Variants in S100A7 observed in about 807,000 individuals in gnomAD.
S100A7 encodes the protein protein S100-A7.
S100A7 carries 2 observed loss-of-function variants against 3.8 expected under a neutral mutation model. That is an observed-to-expected ratio of 0.53 (90% CI 0.22 to 1.67). The LOEUF is 1.67. Among genes scored for constraint, S100A7 ranks in the 40% most tolerant of loss-of-function variants. S100A7 has a pLI of 0.20. For synonymous variants in S100A7, 55 were observed against 45.9 expected (o/e 1.20, Z -0.80); for missense variants, 130 against 126.3 (o/e 1.03, Z -0.14).
At chr1:153,459,187 A>G in intron 1 of S100A7, among the ~76,000 whole-genome samples, 157 bp from the exon 2 acceptor site, 1 of 152,222 alleles carries the variant, frequency 6.6e-6, no homozygotes, top group East Asian at 1.9e-4. Context: ...AAGTTGCTCA[A>G]AAATGAGAGG....
Position 153,457,962 on chromosome 1 carries a change from C to T in S100A7, c.150G>A (p.Lys50=). The T allele has an allele frequency of 1.2e-6, 2 of 1,613,892 alleles. No homozygotes were observed. Among genetic ancestry groups the T allele is most frequent in the East Asian group, 2.2e-5 (1 of 44,880 alleles). ...AGACATCGGCGAGGTAATTTGTGCCCTTTTTGTCCTGTGAAGAGAAAAACA... is the reference window on the plus strand; with the variant it reads ...AGACATCGGCGAGGTAATTTGTGCCTTTTTTGTCCTGTGAAGAGAAAAACA... ...FPNFLSACDK[K]GTNYLADVFE... The change falls in exon 3 of 3, where the codon AAG becomes AAA. Residue 50 remains lysine (K), a synonymous_variant. Coordinates refer to ENST00000368723, the MANE Select transcript of S100A7 (RefSeq NM_002963.4).
chr1:153,459,616 C>T (rs373079856), intron 1 of S100A7, among the ~76,000 whole-genome samples: 1 of 152,086 alleles, frequency 6.6e-6, no homozygotes. Context: ...AGTCCTGTCC[C>T]GAGCACAGGG....
chr1:153,457,790 C>T lies in S100A7; in HGVS notation c.*16G>A. On this transcript the variant is annotated 3_prime_UTR_variant, in exon 3 of 3. Transcript: ENST00000368723. ...ATTGTTCCTGGGGTCTCTGGAGGCC[C>T]ATTGGTGGGGCTGGGTCACTGGCTG... The T allele has an allele frequency of 9.3e-6, 15 of 1,613,200 alleles. No homozygotes were observed. Among genetic ancestry groups the T allele is most frequent in the African/African-American group, 1.3e-5 (1 of 74,974 alleles).
rs754265659 is a variant in S100A7 at position 153,457,771 on chromosome 1, C to T, written c.*35G>A. 1.9e-6 allele frequency: 3 copies of T among 1,596,734 alleles called. No homozygotes were observed. The East Asian group carries it at 6.9e-5, about 37-fold the overall frequency. ...TGGTGGGAGAAGACATTTTATTGTT[C>T]CTGGGGTCTCTGGAGGCCCATTGGT... On this transcript the variant is annotated 3_prime_UTR_variant, in exon 3 of 3. Coordinates refer to ENST00000368723, the MANE Select transcript of S100A7 (RefSeq NM_002963.4).
intron 1 of S100A7, 89 bp from the exon 2 acceptor site, chr1:153,459,119 T>G: frequency 4.1e-6 from 6 of 1,461,904 alleles, no homozygotes; most frequent in Non-Finnish European, 5.5e-6. Context: ...GAGGACAGAG[T>G]AAAAACACGG....
intron 1 of S100A7, among the ~76,000 whole-genome samples, chr1:153,460,401 G>A (rs1321626505): frequency 6.6e-6 from 1 of 152,210 alleles, no homozygotes; most frequent in Non-Finnish European, 1.5e-5. Flanking sequence ...TCCCAAAGGA[G>A]CAATGGACAG....
chr1:153,458,827 T>C (rs763974865), intron 2 of S100A7, 46 bp downstream of exon 2: 1 of 1,607,316 alleles, frequency 6.2e-7, no homozygotes, highest in South Asian at 1.1e-5. Context: ...CAAGGCCACA[T>C]AGCAAAATGT....
At position 153,458,850 on chromosome 1, in the gene S100A7, TGAG is replaced by T. The variant is rs762293360; in HGVS notation, c.141+20_141+22del. 6.2e-7 allele frequency: 1 copy of T among 1,612,616 alleles called. No homozygotes were observed. Among genetic ancestry groups the T allele is most frequent in the Admixed American group, 1.7e-5 (1 of 59,946 alleles). On this transcript the variant is annotated intron_variant, in intron 2 of 2. Coordinates refer to ENST00000368723, the MANE Select transcript of S100A7 (RefSeq NM_002963.4). ...CATAGCAAAATGTATCCTCCAACAT[TGAG>T]AAGCTAGACACCGACTCACACAGGC...
rs878980622 is a variant in S100A7 at position 153,457,971 on chromosome 1, C to A, written c.142-1G>T. The A allele has an allele frequency of 6.2e-7, 1 of 1,613,348 alleles. No individual in the cohort carries two copies. Among genetic ancestry groups the A allele is most frequent in the Non-Finnish European group, 8.5e-7 (1 of 1,179,656 alleles). The stretch of plus-strand genomic sequence containing the variant: ...CGAGGTAATTTGTGCCCTTTTTGTC[C>A]TGTGAAGAGAAAAACATACAAAATA... On this transcript the variant is annotated splice_acceptor_variant, in intron 2 of 2. Transcript: ENST00000368723. LOFTEE classifies it high-confidence loss of function.
intron 2 of S100A7, among the ~76,000 whole-genome samples, chr1:153,458,450 T>G (rs1299843030): frequency 6.6e-6 from 1 of 152,190 alleles, no homozygotes; most frequent in Non-Finnish European, 1.5e-5. Context: ...AGCCCACAGT[T>G]TTTTTTCAGA....
At chr1:153,458,768 C>T in intron 2 of S100A7, 105 bp downstream of exon 2, 4 of 1,375,450 alleles carry the variant, frequency 2.9e-6, no homozygotes, top group Non-Finnish European at 4.0e-6. Flanking sequence ...TAATAAAGCC[C>T]TATTTGCAAA....
intron 1 of S100A7, among the ~76,000 whole-genome samples, chr1:153,460,102 G>A (rs117539358): frequency 6.6e-6 from 1 of 152,252 alleles, no homozygotes; most frequent in African/African-American, 2.4e-5. Flanking sequence ...CAATTTGCAG[G>A]TTGTGGTAGG....
chr1:153,458,839 T>C, intron 2 of S100A7, 34 bp downstream of exon 2: 1 of 1,610,364 alleles, frequency 6.2e-7, no homozygotes, highest in Non-Finnish European at 8.5e-7. Flanking sequence ...GCAAAATGTA[T>C]CCTCCAACAT....
chr1:153,458,899 TCTC>T lies in S100A7; in HGVS notation c.112_114del (p.Glu38del), dbSNP rs1225730541. 26 of 1,613,780 alleles carry T rather than the reference TCTC, an allele frequency of 1.6e-5. No individual in the cohort carries two copies. The African/African-American group carries it at 3.2e-4, about 20-fold the overall frequency. On this transcript the variant is annotated inframe_deletion, in exon 2 of 3. Transcript: ENST00000368723. ...CAGGCACTAAGGAAGTTGGGGAAGTTCTCCTTCATCATCGTCAGCAGGCTTGGC... is the reference window on the plus strand; with the variant it reads ...CAGGCACTAAGGAAGTTGGGGAAGTTCTTCATCATCGTCAGCAGGCTTGGC...
At position 153,457,807 on chromosome 1, in the gene S100A7, C is replaced by A. The variant is rs770657601; in HGVS notation, c.305G>T (p.Ter102LeuextTer?). ...GAAPCSGGSQ[*>L] ...TGGAGGCCCATTGGTGGGGCTGGGT[C>A]ACTGGCTGCCCCCGGAACAGGGCGC... Residue 102 changes from the stop codon to leucine, a stop_lost, in exon 3 of 3, where the codon TGA becomes TTA. Transcript: ENST00000368723. The A allele has an allele frequency of 4.3e-6, 7 of 1,613,856 alleles. No homozygotes were observed. The African/African-American group carries it at 9.3e-5, about 22-fold the overall frequency.
intron 1 of S100A7, among the ~76,000 whole-genome samples, 199 bp downstream of exon 1, chr1:153,460,409 C>A (rs1663801029): frequency 6.6e-6 from 1 of 152,222 alleles, no homozygotes; most frequent in Admixed American, 6.5e-5. Flanking sequence ...GAGCAATGGA[C>A]AGGTCTGGTT....
rs1052529179 is a variant in S100A7 at position 153,458,090 on chromosome 1, G to A, written c.142-120C>T. On this transcript the variant is annotated intron_variant, in intron 2 of 2. Transcript: ENST00000368723. ...CTAGATCTGCACAGGCATGGTGGCG[G>A]GGCTGAGAGCACAGGGTGAGTGGGT... 1.4e-5 allele frequency: 16 copies of A among 1,153,926 alleles called. 1 individual carries two copies. In the African/African-American group the frequency reaches 2.4e-4, roughly 18 times the overall value. The allele number at this position is 1,153,926 out of a possible 1,614,324, so 71.5% of individuals were successfully genotyped here. A position where few individuals can be genotyped will look rare whatever the true frequency, so the allele number is the denominator to read the frequency against.
chr1:153,459,089 G>T (rs1025165006), intron 1 of S100A7, 59 bp from the exon 2 acceptor site: 11 of 1,576,894 alleles, frequency 7.0e-6, no homozygotes, highest in Non-Finnish European at 9.5e-6. Flanking sequence ...TCTCTATTTG[G>T]GAGTGCTGGA....
intron 1 of S100A7, among the ~76,000 whole-genome samples, chr1:153,460,155 G>A (rs534812260): frequency 6.6e-6 from 1 of 152,306 alleles, no homozygotes; most frequent in South Asian, 2.1e-4. Context: ...CCCAGGTAGG[G>A]GCAAGCCATC....
Sources: gnomAD v4.1 joint callset for allele counts (sites outside exome capture counted in the v4.1 genomes callset) on GRCh38, gnomAD v4.1.1 for gene constraint, MANE v1.5 for transcripts, NCBI Gene and HGNC (gene_info 2026-07-23, HGNC 2026-07-21) for gene names.